The following SSBP2 variants were observed in gnomAD, a reference collection of about 807,000 sequenced individuals.
SSBP2 encodes the protein single stranded DNA binding protein 2.
In SSBP2, 17 loss-of-function variants were observed where a neutral mutation model predicts 61.8. The ratio of observed to expected loss-of-function variants is 0.28; its 90% CI spans 0.19 to 0.41. The LOEUF (loss-of-function observed/expected upper bound fraction) is 0.41. Among genes scored for constraint, SSBP2 ranks in the 10% least tolerant of loss-of-function variants. The pLI is 1.00. For synonymous variants in SSBP2, 139 were observed against 141.3 expected, an observed-to-expected ratio of 0.98 and a Z score of 0.12; for missense variants, 310 against 458.7, an observed-to-expected ratio of 0.68 and a Z score of 2.96.
intron 3 of SSBP2, 131 bp downstream of exon 3, chr5:81,636,426 A>C: frequency 1.5e-6 from 1 of 654,358 alleles, no homozygotes; most frequent in East Asian, 2.9e-5. Context: ...GGGTTTTTTA[A>C]AAAGTGCTAC....
At chr5:81,625,695 C>T (rs1179682390) in intron 3 of SSBP2, among the ~76,000 whole-genome samples, 2 of 151,518 alleles carry the variant, frequency 1.3e-5, no homozygotes, top group African/African-American at 4.9e-5. Context: ...CTGTATCTCC[C>T]TCTATTCCTG....
intron 1 of SSBP2, among the ~76,000 whole-genome samples, chr5:81,722,277 A>T (rs1160838909): frequency 3.3e-5 from 5 of 152,174 alleles, no homozygotes; most frequent in Non-Finnish European, 4.4e-5. Context: ...TGTCAAAAAT[A>T]CTGCTAAGAT....
chr5:81,608,859 G>T (rs752614118), intron 4 of SSBP2, among the ~76,000 whole-genome samples: 3 of 152,014 alleles, frequency 2.0e-5, no homozygotes, highest in Non-Finnish European at 2.9e-5. Flanking sequence ...ATCCAAAGTG[G>T]GATTACAGAG....
intron 4 of SSBP2, among the ~76,000 whole-genome samples, chr5:81,576,143 T>C (rs1164113391): frequency 2.6e-5 from 4 of 151,998 alleles, no homozygotes; most frequent in Non-Finnish European, 4.4e-5. Flanking sequence ...GACTCCCCAG[T>C]GCCAAGCTGC....
chr5:81,724,350 A>G (rs1389999686), intron 1 of SSBP2, among the ~76,000 whole-genome samples: 1 of 151,962 alleles, frequency 6.6e-6, no homozygotes, highest in Non-Finnish European at 1.5e-5. Flanking sequence ...GATCTTTTGC[A>G]TTCTTTTTAA....
intron 4 of SSBP2, among the ~76,000 whole-genome samples, chr5:81,608,222 A>G (rs952751172): frequency 1.3e-5 from 2 of 152,128 alleles, no homozygotes; most frequent in Non-Finnish European, 2.9e-5. Flanking sequence ...TTAATTACAA[A>G]TTATTTTTAA....
chr5:81,440,018 C>T (rs1005721890), intron 14 of SSBP2, among the ~76,000 whole-genome samples: 5 of 151,858 alleles, frequency 3.3e-5, no homozygotes, highest in Admixed American at 2.6e-4. Context: ...GTCTTTATCA[C>T]GAAGACAATG....
chr5:81,452,531 T>C (rs62366246), intron 10 of SSBP2, among the ~76,000 whole-genome samples: 44,486 of 152,164 alleles, frequency 0.29, 7,092 homozygotes, highest in African/African-American at 0.4. Flanking sequence ...TAAAGAGTGA[T>C]AGGCAGTGCT....
chr5:81,449,897 A>C (rs1763656012), intron 10 of SSBP2, among the ~76,000 whole-genome samples: 1 of 152,158 alleles, frequency 6.6e-6, no homozygotes, highest in Non-Finnish European at 1.5e-5. Flanking sequence ...CAGCATCACT[A>C]GGGATTAGAA....
At chr5:81,705,426 G>C in intron 1 of SSBP2, among the ~76,000 whole-genome samples, 1 of 151,856 alleles carries the variant, frequency 6.6e-6, no homozygotes, top group East Asian at 1.9e-4. Context: ...TAATATTAAA[G>C]GACACATATA....
At chr5:81,714,983 A>C (rs1200509388) in intron 1 of SSBP2, among the ~76,000 whole-genome samples, 3 of 152,140 alleles carry the variant, frequency 2.0e-5, no homozygotes, top group Non-Finnish European at 4.4e-5. Context: ...TAATCTGTGG[A>C]GGGTTGGAAG....
intron 4 of SSBP2, among the ~76,000 whole-genome samples, chr5:81,612,371 A>C (rs1436499): frequency 0.73 from 110,348 of 152,000 alleles, 41,447 homozygotes; most frequent in East Asian, 0.93. Flanking sequence ...GATTAGAACT[A>C]ACTGAAAGGT....
intron 3 of SSBP2, among the ~76,000 whole-genome samples, chr5:81,623,948 T>C (rs1746886987): frequency 6.6e-6 from 1 of 152,160 alleles, no homozygotes; most frequent in Non-Finnish European, 1.5e-5. Flanking sequence ...ATACATGATC[T>C]TGTTTAACAT....
chr5:81,448,746 T>C (rs767613548), intron 11 of SSBP2, 44 bp downstream of exon 11: 40 of 1,578,706 alleles, frequency 2.5e-5, no homozygotes, highest in South Asian at 6.7e-5. Flanking sequence ...CCAAATAAAA[T>C]GTAACATCAA....
At chr5:81,571,691 C>T (rs1773855663) in intron 4 of SSBP2, among the ~76,000 whole-genome samples, 1 of 152,068 alleles carries the variant, frequency 6.6e-6, no homozygotes, top group African/African-American at 2.4e-5. Context: ...GATTCGCTTA[C>T]CTTTTTAATT....
intron 2 of SSBP2, among the ~76,000 whole-genome samples, chr5:81,639,210 C>A (rs570435806): frequency 1.3e-5 from 2 of 152,250 alleles, no homozygotes; most frequent in African/African-American, 4.8e-5. Flanking sequence ...AGACATAAGT[C>A]TCTCATAAAA....
chr5:81,522,278 C>T (rs1769550675), intron 4 of SSBP2, among the ~76,000 whole-genome samples: 1 of 151,926 alleles, frequency 6.6e-6, no homozygotes, highest in East Asian at 1.9e-4. Context: ...GTGAAGCATA[C>T]CAAATACAGA....
At chr5:81,455,266 C>T (rs1282928245) in intron 10 of SSBP2, among the ~76,000 whole-genome samples, 1 of 152,162 alleles carries the variant, frequency 6.6e-6, no homozygotes, top group Non-Finnish European at 1.5e-5. Flanking sequence ...ATTCTCCCAG[C>T]TACTTGGATT....
rs550216934 is a variant in SSBP2 at position 81,694,202 on chromosome 5, A to G, written c.63-43863T>C. On this transcript the variant is annotated intron_variant, in intron 1 of 16. Coordinates refer to ENST00000320672, the MANE Select transcript of SSBP2 (RefSeq NM_012446.5). ...AAAGGGTAGTGGGGCGAGGAAAAGT[A>G]AGGATGGTTAGTGGGTACAAAAATA... Among the ~76,000 whole-genome samples, 11 of 152,310 alleles carry G rather than the reference A, an allele frequency of 7.2e-5. No individual in the cohort carries two copies. In the South Asian group the frequency reaches 2.1e-3, roughly 29 times the overall value.
Sources: allele counts gnomAD v4.1 joint callset (sites outside exome capture counted in the v4.1 genomes callset), GRCh38; gene constraint gnomAD v4.1.1; transcripts MANE v1.5; gene names NCBI Gene and HGNC (gene_info 2026-07-23, HGNC 2026-07-21).